The following FNIP1 variants were observed in gnomAD, a reference collection of about 807,000 sequenced individuals.
FNIP1 encodes folliculin-interacting protein 1.
Under a neutral mutation model 124.5 loss-of-function variants are expected in FNIP1, and 40 were observed. That is an observed-to-expected ratio of 0.32 (90% CI 0.25 to 0.42). The LOEUF (loss-of-function observed/expected upper bound fraction) is 0.42, where lower values mean the gene tolerates loss of function less well. FNIP1 is among the 10% of genes least tolerant of loss of function. FNIP1 has a pLI of 1.00. For missense variants in FNIP1, 1,176 were observed against 1,403.7 expected, an observed-to-expected ratio of 0.84 and a Z score of 2.59; for synonymous variants, 472 against 470.6, an observed-to-expected ratio of 1.00 and a Z score of -0.04.
chr5:131,762,479 A>T (rs1223708567), intron 1 of FNIP1, among the ~76,000 whole-genome samples: 1 of 152,190 alleles, frequency 6.6e-6, no homozygotes, highest in Non-Finnish European at 1.5e-5. Context: ...TACAGATGGC[A>T]AACAGGTATA....
intron 4 of FNIP1, 117 bp from the exon 5 acceptor site, chr5:131,719,177 G>A: frequency 1.8e-6 from 2 of 1,130,808 alleles, no homozygotes; most frequent in African/African-American, 1.6e-5. Context: ...CAAGAGCCAT[G>A]AAGTAGCATT....
At chr5:131,737,064 T>C (rs1330023890) in intron 2 of FNIP1, among the ~76,000 whole-genome samples, 2 of 152,358 alleles carry the variant, frequency 1.3e-5, no homozygotes, top group Non-Finnish European at 2.9e-5. Flanking sequence ...TCGAAGGTAT[T>C]TGTTTTTGTG....
chr5:131,681,843 A>G (rs1435117263), intron 11 of FNIP1, among the ~76,000 whole-genome samples: 1 of 151,978 alleles, frequency 6.6e-6, no homozygotes, highest in Non-Finnish European at 1.5e-5. Context: ...GAGCCGAAGA[A>G]CATGATGGTG....
intron 1 of FNIP1, 24 bp downstream of exon 1, chr5:131,796,806 G>T: frequency 6.4e-7 from 1 of 1,556,222 alleles, no homozygotes; most frequent in South Asian, 1.2e-5. Flanking sequence ...TCGGCTCCGC[G>T]ACCCCCGCCC....
intron 11 of FNIP1, among the ~76,000 whole-genome samples, chr5:131,688,942 TA>T (rs544012689): frequency 7.2e-4 from 108 of 150,246 alleles, no homozygotes; most frequent in Non-Finnish European, 1.3e-3. Context: ...AGCTTCGAAT[TA>T]AAAAAAAATT....
chr5:131,748,875 T>C (rs1417220008), intron 1 of FNIP1, among the ~76,000 whole-genome samples: 1 of 152,130 alleles, frequency 6.6e-6, no homozygotes, highest in Admixed American at 6.5e-5. Flanking sequence ...GAGATGACAG[T>C]TCCATGTGTG....
At position 131,704,242 on chromosome 5, in the gene FNIP1, G is replaced by A. The variant is rs766188603; in HGVS notation, c.939C>T (p.Leu313=). 12 of 1,612,128 alleles carry A rather than the reference G, an allele frequency of 7.4e-6. No homozygotes were observed. The African/African-American group carries it at 1.1e-4, about 14-fold the overall frequency. Residue 313 remains leucine (L), a synonymous_variant, in exon 10 of 18, where the codon CTC becomes CTT. Coordinates refer to ENST00000510461, the MANE Select transcript of FNIP1 (RefSeq NM_133372.3). ...PRWSIEESFN[L]SDESCGPNPG... ...GGTTAGGGCCACAGCTTTCATCTGA[G>A]AGATTAAAGCTTTCTTCTATAGACC...
At chr5:131,760,146 T>C (rs1018774380) in intron 1 of FNIP1, among the ~76,000 whole-genome samples, 1 of 152,180 alleles carries the variant, frequency 6.6e-6, no homozygotes, top group African/African-American at 2.4e-5. Context: ...GCTCACTACC[T>C]GGGTGATGGA....
At chr5:131,758,266 T>G (rs1471942873) in intron 1 of FNIP1, among the ~76,000 whole-genome samples, 1 of 152,196 alleles carries the variant, frequency 6.6e-6, no homozygotes, top group African/African-American at 2.4e-5. Context: ...CTGACCTACC[T>G]AAAGTTGCTG....
chr5:131,679,090 G>C lies in FNIP1; in HGVS notation c.1288C>G (p.His430Asp). The part of the protein sequence containing the change: ...TMMSGTPEKN[H>D]LCYRFMKEFT... ...TCCTTCATGAAACGATAGCAAAGGT[G>C]GTTCTTTTCTGGAGTCCCCGACATC... is the stretch of plus-strand genomic sequence containing the variant. Residue 430 changes from histidine (H) to aspartate (D), a missense_variant, in exon 12 of 18, where the codon CAC (histidine) becomes GAC (aspartate). By Grantham distance (81) the His-to-Asp change is moderately conservative (BLOSUM62 -1). Transcript: ENST00000510461. 1 of 1,612,628 alleles carries C rather than the reference G, an allele frequency of 6.2e-7. No homozygotes were observed.
intron 9 of FNIP1, among the ~76,000 whole-genome samples, chr5:131,704,585 C>T (rs1381068894): frequency 2.0e-5 from 3 of 152,120 alleles, no homozygotes; most frequent in African/African-American, 7.2e-5. Context: ...GAGTCTGGTA[C>T]AATCTTTTCC....
intron 4 of FNIP1, 99 bp downstream of exon 4, chr5:131,719,218 A>T: frequency 2.5e-6 from 3 of 1,208,882 alleles, no homozygotes; most frequent in Non-Finnish European, 3.5e-6. Context: ...ATGGAGTATG[A>T]CAAGCTCAAT....
At chr5:131,764,247 T>C (rs1771343358) in intron 1 of FNIP1, among the ~76,000 whole-genome samples, 1 of 152,086 alleles carries the variant, frequency 6.6e-6, no homozygotes, top group Non-Finnish European at 1.5e-5. Flanking sequence ...ACCTCTTTTC[T>C]TTATAAATCA....
chr5:131,693,301 T>TAC (rs1768549567), intron 11 of FNIP1, among the ~76,000 whole-genome samples: 1 of 25,620 alleles, frequency 3.9e-5, no homozygotes. Flanking sequence ...TATATACATA[T>TAC]ATATATATAT....
chr5:131,695,482 A>G (rs1409788888), intron 11 of FNIP1, among the ~76,000 whole-genome samples: 1 of 152,182 alleles, frequency 6.6e-6, no homozygotes, highest in African/African-American at 2.4e-5. Context: ...AGGGATAGTC[A>G]TTATTCAGCC....
Position 131,716,555 on chromosome 5 carries a change from AACCATTT to A in FNIP1, c.622+3_622+9del. 6.4e-7 allele frequency: 1 copy of A among 1,553,750 alleles called. No individual in the cohort carries two copies. Among genetic ancestry groups the A allele is most frequent in the Non-Finnish European group, 8.8e-7 (1 of 1,139,904 alleles). On this transcript the variant is annotated splice_donor_5th_base_variant and intron_variant, in intron 6 of 17. Transcript: ENST00000510461. ...TTTTTTAAACTTATAAAATCAAAGG[AACCATTT>A]ACCTATATTTCCAAGCAGTCCATTA... is the stretch of plus-strand genomic sequence containing the variant.
intron 1 of FNIP1, among the ~76,000 whole-genome samples, chr5:131,776,747 G>C (rs1423241672): frequency 6.6e-6 from 1 of 152,140 alleles, no homozygotes; most frequent in Admixed American, 6.5e-5. Flanking sequence ...GAGGATAGTG[G>C]TTACCCCAGG....
chr5:131,676,248 C>T (rs556630069), intron 13 of FNIP1, among the ~76,000 whole-genome samples: 1 of 152,088 alleles, frequency 6.6e-6, no homozygotes, highest in Non-Finnish European at 1.5e-5. Context: ...CTCCTGCCCT[C>T]ATGATCCGCC....
chr5:131,711,975 C>A (rs181345305), intron 6 of FNIP1, among the ~76,000 whole-genome samples: 2 of 152,300 alleles, frequency 1.3e-5, no homozygotes, highest in East Asian at 1.9e-4. Context: ...CCTACCTCTT[C>A]TTCTCAGCAT....
Sources: allele counts gnomAD v4.1 joint callset (sites outside exome capture counted in the v4.1 genomes callset), GRCh38; gene constraint gnomAD v4.1.1; transcripts MANE v1.5; gene names NCBI Gene and HGNC (gene_info 2026-07-23, HGNC 2026-07-21).